The following DISC1 variants were observed in gnomAD, a reference collection of about 807,000 sequenced individuals.
The protein encoded by DISC1 is DISC1 scaffold protein.
Under a neutral mutation model 84.5 loss-of-function variants are expected in DISC1, and 57 were observed. The observed-to-expected ratio is 0.67, with a 90% CI of 0.55 to 0.84. DISC1 has a LOEUF of 0.84. Ranked by LOEUF, DISC1 falls within the 40% of genes least tolerant of loss-of-function variation. DISC1 has a pLI of 0.00. For missense variants in DISC1, 1,000 were observed against 1,057.8 expected (o/e 0.95, Z 0.76); for synonymous variants, 411 against 415.2 (o/e 0.99, Z 0.12).
chr1:231,677,627 C>A (rs1336369142), intron 1 of DISC1, among the ~76,000 whole-genome samples: 1 of 152,212 alleles, frequency 6.6e-6, no homozygotes, highest in Non-Finnish European at 1.5e-5. Flanking sequence ...AAACTGAGAC[C>A]TGGAGAGGCT....
intron 9 of DISC1, among the ~76,000 whole-genome samples, chr1:231,878,070 A>C (rs1300993920): frequency 5.9e-5 from 9 of 152,240 alleles, no homozygotes; most frequent in Non-Finnish European, 1.3e-4. Context: ...AAGAAATGAC[A>C]CTGATACCTT....
intron 9 of DISC1, among the ~76,000 whole-genome samples, chr1:231,822,434 T>G (rs562038980): frequency 2.0e-5 from 3 of 152,240 alleles, no homozygotes; most frequent in African/African-American, 7.2e-5. Context: ...CATTTGTCTT[T>G]CGGTGAGTAA....
chr1:231,876,531 A>G (rs2085902301), intron 9 of DISC1, among the ~76,000 whole-genome samples: 1 of 152,236 alleles, frequency 6.6e-6, no homozygotes. Flanking sequence ...TCTTAAGTTC[A>G]TAGCAAGATG....
At chr1:231,725,044 C>T (rs113860763) in intron 3 of DISC1, among the ~76,000 whole-genome samples, 48 of 152,126 alleles carry the variant, frequency 3.2e-4, no homozygotes, top group African/African-American at 1.1e-3. Flanking sequence ...GTCACTCCCT[C>T]GTGGCCTGTT....
At chr1:231,809,111 A>G (rs2080014691) in intron 8 of DISC1, among the ~76,000 whole-genome samples, 1 of 152,234 alleles carries the variant, frequency 6.6e-6, no homozygotes, top group Non-Finnish European at 1.5e-5. Context: ...ATGGGGAAGC[A>G]GGGAGCCCAG....
chr1:231,844,228 A>T (rs1383396808), intron 9 of DISC1, among the ~76,000 whole-genome samples: 1 of 152,176 alleles, frequency 6.6e-6, no homozygotes, highest in Non-Finnish European at 1.5e-5. Context: ...TGCAGAGCCC[A>T]TGGTTTTCAC....
chr1:231,847,214 A>G (rs892032418), intron 9 of DISC1, among the ~76,000 whole-genome samples: 1 of 151,752 alleles, frequency 6.6e-6, no homozygotes, highest in African/African-American at 2.4e-5. Context: ...CCTCCCTCAC[A>G]TGGCCTTCCC....
intron 3 of DISC1, among the ~76,000 whole-genome samples, chr1:231,708,185 A>G (rs1035240789): frequency 1.3e-5 from 2 of 152,086 alleles, no homozygotes; most frequent in South Asian, 2.1e-4. Context: ...CTTTGAGGGT[A>G]TTTCCGCGGA....
intron 8 of DISC1, among the ~76,000 whole-genome samples, chr1:231,813,907 C>G (rs2080602499): frequency 6.6e-6 from 1 of 152,012 alleles, no homozygotes; most frequent in Non-Finnish European, 1.5e-5. Flanking sequence ...TGGTAACTTC[C>G]TGGAGAGCAG....
rs954167219 is a variant in DISC1 at position 231,979,444 on chromosome 1, T to C, written c.2042+20556T>C. ...CTTATCATTAGTCGAATCTAGAAAA[T>C]TGTGTACCAAAAGAACTGATATCAC... is the stretch of plus-strand genomic sequence containing the variant. On this transcript the variant is annotated intron_variant, in intron 10 of 12. Transcript: ENST00000439617. Among the ~76,000 whole-genome samples, 16 of 151,962 alleles carry C rather than the reference T, an allele frequency of 1.1e-4. No homozygotes were observed. In the East Asian group the frequency reaches 2.3e-3, roughly 22 times the overall value.
chr1:232,000,480 A>G (rs1266030665), intron 10 of DISC1, among the ~76,000 whole-genome samples: 1 of 152,196 alleles, frequency 6.6e-6, no homozygotes, highest in Non-Finnish European at 1.5e-5. Flanking sequence ...CACCATTTAT[A>G]TCACTGGATT....
chr1:231,694,422 G>A lies in DISC1; in HGVS notation c.664G>A (p.Glu222Lys), dbSNP rs769513744. 24 of 1,614,260 alleles carry A rather than the reference G, an allele frequency of 1.5e-5. No individual in the cohort carries two copies. The highest frequency in any genetic ancestry group is 1.9e-5 in the Non-Finnish European group (22 of 1,180,046). The change falls in exon 2 of 13, where the codon GAA (glutamate) becomes AAA (lysine). Residue 222 changes from glutamate to lysine, a missense_variant. Glu to Lys is a moderately conservative substitution (Grantham distance 56). Coordinates refer to ENST00000439617, the MANE Select transcript of DISC1 (RefSeq NM_018662.3). ...TCGGCTCTCGCTTGGCTCTGCCGGG[G>A]AACGTGGAGAAGCAGAAGGCTGCCC... ...FIRLSLGSAG[E>K]RGEAEGCPPS...
chr1:231,641,267 T>C (rs2125178572), intron 1 of DISC1, among the ~76,000 whole-genome samples: 1 of 152,112 alleles, frequency 6.6e-6, no homozygotes, highest in South Asian at 2.1e-4. Flanking sequence ...AAAGGCGGCG[T>C]GTCTGGAGTT....
intron 9 of DISC1, among the ~76,000 whole-genome samples, chr1:231,932,625 G>C (rs2090734633): frequency 6.6e-6 from 1 of 152,106 alleles, no homozygotes; most frequent in South Asian, 2.1e-4. Flanking sequence ...TTACTCCAGG[G>C]GTGCCATTCA....
chr1:231,887,069 C>T (rs965168215), intron 9 of DISC1, among the ~76,000 whole-genome samples: 17 of 151,842 alleles, frequency 1.1e-4, no homozygotes, highest in African/African-American at 3.9e-4. Context: ...ACCATGTTGG[C>T]CAGGATGGTC....
intron 9 of DISC1, chr1:231,866,603 G>A (rs748895614): frequency 6.6e-7 from 1 of 1,514,706 alleles, no homozygotes; most frequent in Non-Finnish European, 9.2e-7. Context: ...ACACAGCACT[G>A]TGATTTGAAC....
chr1:231,921,266 G>A (rs1045828188), intron 9 of DISC1, among the ~76,000 whole-genome samples: 2 of 152,134 alleles, frequency 1.3e-5, no homozygotes, highest in South Asian at 2.1e-4. Flanking sequence ...AAGGACCGTG[G>A]TCATACCTTC....
At chr1:231,757,983 G>A (rs1011199672) in intron 4 of DISC1, among the ~76,000 whole-genome samples, 20 of 151,638 alleles carry the variant, frequency 1.3e-4, no homozygotes, top group South Asian at 6.3e-4. Context: ...AGGTGTTCTC[G>A]GAACCTGTGT....
intron 12 of DISC1, among the ~76,000 whole-genome samples, chr1:232,030,365 C>T (rs964169854): frequency 6.6e-6 from 1 of 152,194 alleles, no homozygotes; most frequent in African/African-American, 2.4e-5. Context: ...CCTTCAATTT[C>T]TACAACACAC....
Sources: gnomAD v4.1 joint callset for allele counts (sites outside exome capture counted in the v4.1 genomes callset) on GRCh38, gnomAD v4.1.1 for gene constraint, MANE v1.5 for transcripts, NCBI Gene and HGNC (gene_info 2026-07-23, HGNC 2026-07-21) for gene names.